The following STAU2 variants were observed in gnomAD, a reference collection of about 807,000 sequenced individuals.
The protein encoded by STAU2 is double-stranded RNA-binding protein Staufen homolog 2.
Under a neutral mutation model 65.9 loss-of-function variants are expected in STAU2, and 20 were observed. The ratio of observed to expected loss-of-function variants is 0.30; its 90% CI spans 0.21 to 0.44. The LOEUF is 0.44. Among genes scored for constraint, STAU2 ranks in the 20% least tolerant of loss-of-function variants. The pLI is 1.00. For missense variants in STAU2, 558 were observed against 683.9 expected, an observed-to-expected ratio of 0.82 and a Z score of 2.05; for synonymous variants, 232 against 233.9, an observed-to-expected ratio of 0.99 and a Z score of 0.07.
At chr8:73,576,484 G>A (rs866491454) in intron 12 of STAU2, among the ~76,000 whole-genome samples, 3 of 151,988 alleles carry the variant, frequency 2.0e-5, no homozygotes, top group Non-Finnish European at 4.4e-5. Context: ...TAAAGGGTGG[G>A]GCGACTACAT....
At chr8:73,507,466 T>C (rs1215894784) in intron 13 of STAU2, among the ~76,000 whole-genome samples, 1 of 152,172 alleles carries the variant, frequency 6.6e-6, no homozygotes, top group Non-Finnish European at 1.5e-5. Context: ...AACAGTGGGC[T>C]TAAAATACCC....
chr8:73,576,487 G>A (rs117461022), intron 12 of STAU2, among the ~76,000 whole-genome samples: 2,328 of 152,036 alleles, frequency 0.015, 18 homozygotes, highest in Non-Finnish European at 0.023. Flanking sequence ...AGGGTGGGGC[G>A]ACTACATATA....
chr8:73,581,133 C>A (rs770407824), intron 12 of STAU2, among the ~76,000 whole-genome samples: 2 of 152,022 alleles, frequency 1.3e-5, no homozygotes, highest in Non-Finnish European at 2.9e-5. Context: ...TGAGATGTAT[C>A]CCTTAGCAAG....
intron 10 of STAU2, among the ~76,000 whole-genome samples, chr8:73,601,092 AAAG>A (rs1811598820): frequency 6.6e-6 from 1 of 152,192 alleles, no homozygotes; most frequent in Non-Finnish European, 1.5e-5. Context: ...TTCTATCTGT[AAAG>A]AAGCTCAATT....
In STAU2 at chr8:73,617,350, G is replaced by A; in HGVS notation, c.512C>T (p.Ala171Val). 6.2e-7 allele frequency: 1 copy of A among 1,614,108 alleles called. No individual in the cohort carries two copies. The highest frequency in any genetic ancestry group is 8.5e-7 in the Non-Finnish European group (1 of 1,180,010). ...CAGTGCTTGGAGGGCTTTCATTGCA[G>A]CATTGTGTCTAGCAGCTTGTCGAGT... The part of the protein sequence containing the change: ...GKTRQAARHN[A>V]AMKALQALQN... The change falls in exon 7 of 15, where the codon GCT (alanine) becomes GTT (valine). Residue 171 changes from alanine (A) to valine (V), a missense_variant. By Grantham distance (64) the Ala-to-Val change is moderately conservative. This residue lies in a region of STAU2 where 199 missense variants were observed against 299.5 expected (regional missense o/e 0.66). Coordinates refer to ENST00000524300, the MANE Select transcript of STAU2 (RefSeq NM_001164380.2).
At chr8:73,721,974 T>C (rs889029411) in intron 3 of STAU2, among the ~76,000 whole-genome samples, 6 of 152,206 alleles carry the variant, frequency 3.9e-5, no homozygotes, top group Admixed American at 6.5e-5. Flanking sequence ...GTTTGTTCCT[T>C]TTTTCTTCTT....
At chr8:73,552,842 G>A (rs1807436481) in intron 12 of STAU2, among the ~76,000 whole-genome samples, 1 of 152,052 alleles carries the variant, frequency 6.6e-6, no homozygotes, top group Admixed American at 6.6e-5. Context: ...TCTAACTCAC[G>A]AACACATAAA....
intron 13 of STAU2, among the ~76,000 whole-genome samples, chr8:73,432,131 T>A (rs1817345279): frequency 1.3e-5 from 2 of 152,016 alleles, no homozygotes; most frequent in Admixed American, 1.3e-4. Context: ...TAACAAAATA[T>A]GTCTAAATGT....
intron 4 of STAU2, among the ~76,000 whole-genome samples, chr8:73,690,474 CTA>C (rs1819254997): frequency 6.6e-6 from 1 of 151,900 alleles, no homozygotes; most frequent in African/African-American, 2.4e-5. Context: ...TGACTATGAA[CTA>C]TACATTAAGT....
intron 12 of STAU2, among the ~76,000 whole-genome samples, chr8:73,574,548 C>G (rs1345638372): frequency 1.3e-5 from 2 of 152,150 alleles, no homozygotes; most frequent in Admixed American, 6.5e-5. Flanking sequence ...AAATGTGGCA[C>G]ATATACACCA....
intron 6 of STAU2, among the ~76,000 whole-genome samples, chr8:73,622,123 ATTTT>A (rs71269924): frequency 1.6e-4 from 4 of 25,182 alleles, no homozygotes; most frequent in African/African-American, 4.7e-4. Context: ...TGCCCAGCTA[ATTTT>A]TTTTTTTTTT....
intron 13 of STAU2, among the ~76,000 whole-genome samples, chr8:73,549,338 C>T (rs899108413): frequency 1.3e-5 from 2 of 151,844 alleles, no homozygotes; most frequent in East Asian, 1.9e-4. Context: ...CCAAAAGGTT[C>T]GATTCTAAAA....
At chr8:73,620,828 C>T (rs1813172784) in intron 6 of STAU2, among the ~76,000 whole-genome samples, 1 of 152,026 alleles carries the variant, frequency 6.6e-6, no homozygotes, top group Non-Finnish European at 1.5e-5. Flanking sequence ...TAATATACCC[C>T]ACATGGTTTG....
chr8:73,699,149 CA>C (rs1268688210), intron 4 of STAU2, among the ~76,000 whole-genome samples: 3 of 151,604 alleles, frequency 2.0e-5, no homozygotes, highest in African/African-American at 7.3e-5. Flanking sequence ...AATGGTAAAC[CA>C]AAGCCTATGG....
intron 13 of STAU2, among the ~76,000 whole-genome samples, chr8:73,459,600 C>T (rs999322475): frequency 1.3e-5 from 2 of 152,006 alleles, no homozygotes; most frequent in African/African-American, 4.8e-5. Flanking sequence ...ATCCCCTCCG[C>T]GAAGACCTCA....
intron 6 of STAU2, among the ~76,000 whole-genome samples, chr8:73,646,439 T>C (rs1328872739): frequency 6.6e-6 from 1 of 152,194 alleles, no homozygotes; most frequent in East Asian, 1.9e-4. Flanking sequence ...TGTGGCCAAC[T>C]GTCTTTACAC....
chr8:73,603,659 G>T (rs897573386), intron 10 of STAU2, 67 bp downstream of exon 10: 1 of 1,544,714 alleles, frequency 6.5e-7, no homozygotes, highest in Non-Finnish European at 8.7e-7. Flanking sequence ...TTTGCCTTTC[G>T]CCCAAATGCC....
chr8:73,532,725 G>C (rs1031164148), intron 13 of STAU2, among the ~76,000 whole-genome samples: 4 of 152,156 alleles, frequency 2.6e-5, no homozygotes, highest in Non-Finnish European at 4.4e-5. Flanking sequence ...CACCTATGAG[G>C]CTTCATCTAC....
intron 12 of STAU2, among the ~76,000 whole-genome samples, chr8:73,578,687 T>A (rs1264576807): frequency 2.6e-5 from 4 of 152,214 alleles, no homozygotes; most frequent in African/African-American, 9.7e-5. Context: ...GGCTGCCCAG[T>A]ACAAGTAACC....
Sources: gnomAD v4.1 joint callset for allele counts (sites outside exome capture counted in the v4.1 genomes callset) on GRCh38, gnomAD v4.1.1 for gene constraint, gnomAD v4.1.1 regional missense constraint, MANE v1.5 for transcripts, NCBI Gene and HGNC (gene_info 2026-07-23, HGNC 2026-07-21) for gene names.